Variants in EPHA5 observed in about 807,000 individuals in gnomAD.
EPHA5 encodes the protein ephrin type-A receptor 5.
A neutral mutation model predicts 105.0 loss-of-function variants in EPHA5; 60 were observed. The observed-to-expected ratio is 0.57, with a 90% CI of 0.46 to 0.71. The LOEUF is 0.71. EPHA5 is among the 30% of genes least tolerant of loss of function. The probability of loss-of-function intolerance (pLI) is 0.00; values close to 1 mark genes in which losing one functional copy is unlikely to be tolerated. For missense variants in EPHA5, 1,218 were observed against 1,274.7 expected, an observed-to-expected ratio of 0.96 and a Z score of 0.68; for synonymous variants, 513 against 449.1, an observed-to-expected ratio of 1.14 and a Z score of -1.80.
intron 5 of EPHA5, among the ~76,000 whole-genome samples, chr4:65,428,980 C>T (rs550257598): frequency 1.3e-5 from 2 of 152,122 alleles, no homozygotes; most frequent in South Asian, 4.1e-4. Flanking sequence ...ATGCCTCCTT[C>T]TGAATAGCAA....
At chr4:65,510,032 T>A (rs1733447086) in intron 3 of EPHA5, among the ~76,000 whole-genome samples, 1 of 50,130 alleles carries the variant, frequency 2.0e-5, no homozygotes. Context: ...TACATACTTC[T>A]TTTTTTTTTT....
At chr4:65,501,536 AC>A (rs1325290681) in intron 3 of EPHA5, among the ~76,000 whole-genome samples, 1 of 151,668 alleles carries the variant, frequency 6.6e-6, no homozygotes, top group African/African-American at 2.4e-5. Context: ...ACCTAGGAAT[AC>A]ATTGAACCAA....
In EPHA5 at chr4:65,323,576, T is replaced by G. The variant is rs542817367; in HGVS notation, c.*538A>C. The G allele has an allele frequency of 4.3e-6, 1 of 230,304 alleles. No homozygotes were observed. The highest frequency in any genetic ancestry group is 2.2e-5 in the African/African-American group (1 of 45,286). 14.3% of individuals were successfully genotyped at this position (230,304 alleles called of 1,614,324 possible). ...TGTTTACACACTAGTTTCTATAACT[T>G]AACGCTGTGTAACAGCATTTTAAAA... is the stretch of plus-strand genomic sequence containing the variant. On this transcript the variant is annotated 3_prime_UTR_variant, in exon 17 of 17. Coordinates refer to ENST00000613740, the MANE Select transcript of EPHA5 (RefSeq NM_001281766.3).
At chr4:65,475,971 T>C (rs923060099) in intron 5 of EPHA5, among the ~76,000 whole-genome samples, 3 of 152,024 alleles carry the variant, frequency 2.0e-5, no homozygotes, top group South Asian at 2.1e-4. Flanking sequence ...CAAACTGACA[T>C]CAAACAACCC....
At chr4:65,544,041 A>G (rs1293390358) in intron 3 of EPHA5, among the ~76,000 whole-genome samples, 1 of 151,994 alleles carries the variant, frequency 6.6e-6, no homozygotes, top group Non-Finnish European at 1.5e-5. Flanking sequence ...CTGAAACTGG[A>G]CCCCTTCTTT....
chr4:65,388,002 G>A (rs1318150745), intron 8 of EPHA5, among the ~76,000 whole-genome samples: 12 of 111,586 alleles, frequency 1.1e-4, no homozygotes, highest in Non-Finnish European at 2.0e-4. Flanking sequence ...AGAGTGTGAT[G>A]TTCCCCTTCC....
chr4:65,342,194 A>G (rs1030968302), intron 14 of EPHA5, among the ~76,000 whole-genome samples: 1 of 152,088 alleles, frequency 6.6e-6, no homozygotes, highest in Admixed American at 6.6e-5. Flanking sequence ...ATCCAGGTAC[A>G]GAAATCTTGA....
chr4:65,479,494 C>A (rs1219933062), intron 5 of EPHA5, among the ~76,000 whole-genome samples: 1 of 151,988 alleles, frequency 6.6e-6, no homozygotes, highest in Non-Finnish European at 1.5e-5. Flanking sequence ...ATATTAGGTA[C>A]CTTGTATAGG....
chr4:65,519,984 A>G (rs1200217518), intron 3 of EPHA5, among the ~76,000 whole-genome samples: 1 of 152,212 alleles, frequency 6.6e-6, no homozygotes, highest in African/African-American at 2.4e-5. Flanking sequence ...TGCCATCCCC[A>G]TCAAGCTACC....
intron 3 of EPHA5, among the ~76,000 whole-genome samples, chr4:65,554,937 C>T (rs1738261144): frequency 1.6e-5 from 2 of 126,222 alleles, no homozygotes. Flanking sequence ...GAGAAGAATT[C>T]ACTTCTAGCT....
intron 3 of EPHA5, among the ~76,000 whole-genome samples, chr4:65,505,995 C>G (rs544565343): frequency 6.6e-6 from 1 of 152,262 alleles, no homozygotes; most frequent in Admixed American, 6.5e-5. Flanking sequence ...TGCTATCCCT[C>G]CCTGCTCTGC....
At chr4:65,586,096 C>A (rs4435792) in intron 3 of EPHA5, among the ~76,000 whole-genome samples, 13 of 151,220 alleles carry the variant, frequency 8.6e-5, no homozygotes, top group South Asian at 6.2e-4. Context: ...TCAAATTTTC[C>A]TTAATTATTG....
intron 2 of EPHA5, among the ~76,000 whole-genome samples, chr4:65,630,136 T>C (rs1038512502): frequency 1.3e-5 from 2 of 151,256 alleles, no homozygotes; most frequent in Non-Finnish European, 2.9e-5. Context: ...CATCAGGTAA[T>C]GGTCAGGTGG....
chr4:65,643,538 G>A (rs1747851703), intron 1 of EPHA5, 111 bp from the exon 2 acceptor site: 2 of 829,882 alleles, frequency 2.4e-6, no homozygotes, highest in African/African-American at 3.5e-5. Context: ...CTGAAATTAA[G>A]TGTTCATTAT....
chr4:65,471,826 T>C (rs191989743), intron 5 of EPHA5, among the ~76,000 whole-genome samples: 90 of 152,296 alleles, frequency 5.9e-4, no homozygotes, highest in Middle Eastern at 3.4e-3. Flanking sequence ...GGGATTATAA[T>C]TGAAGATGAG....
chr4:65,442,668 A>G (rs1726133940), intron 5 of EPHA5, among the ~76,000 whole-genome samples: 1 of 152,206 alleles, frequency 6.6e-6, no homozygotes, highest in African/African-American at 2.4e-5. Flanking sequence ...TCATATTAAT[A>G]TGTTGCATTA....
intron 3 of EPHA5, among the ~76,000 whole-genome samples, chr4:65,526,357 T>C (rs1735227457): frequency 6.6e-6 from 1 of 151,844 alleles, no homozygotes; most frequent in South Asian, 2.1e-4. Context: ...CTGGCTATAA[T>C]TAAATTGCAA....
chr4:65,536,619 T>C (rs1736312192), intron 3 of EPHA5, among the ~76,000 whole-genome samples: 1 of 151,340 alleles, frequency 6.6e-6, no homozygotes, highest in African/African-American at 2.4e-5. Context: ...TTAAAAGATA[T>C]TGTTGAAATA....
intron 3 of EPHA5, among the ~76,000 whole-genome samples, chr4:65,520,347 C>T (rs143864585): frequency 0.015 from 2,259 of 152,262 alleles, 17 homozygotes; most frequent in East Asian, 0.038. Context: ...GAAACTGGAT[C>T]CCTTCCTTAC....
Sources: gnomAD v4.1 joint callset for allele counts (sites outside exome capture counted in the v4.1 genomes callset) on GRCh38, gnomAD v4.1.1 for gene constraint, MANE v1.5 for transcripts, NCBI Gene and HGNC (gene_info 2026-07-23, HGNC 2026-07-21) for gene names.